The following BMAL2 variants were observed in gnomAD, a reference collection of about 807,000 sequenced individuals.
The protein encoded by BMAL2 is basic helix-loop-helix ARNT like 2, also known as basic helix-loop-helix ARNT-like protein 2.
the BMAL2 span, among the ~76,000 whole-genome samples, chr12:27,416,370 G>A: frequency 1.3e-5 from 2 of 151,874 alleles, no homozygotes; most frequent in Non-Finnish European, 2.9e-5. Flanking sequence ...TTCCAATTTA[G>A]TAGATTAAAT....
At chr12:27,408,612 C>A in the BMAL2 span, among the ~76,000 whole-genome samples, 2 of 152,158 alleles carry the variant, frequency 1.3e-5, no homozygotes, top group African/African-American at 4.8e-5. Context: ...TAAGAGCTAT[C>A]TATGACAAAC....
the BMAL2 span, among the ~76,000 whole-genome samples, chr12:27,358,798 TCTTAA>T: frequency 1.3e-5 from 2 of 152,114 alleles, no homozygotes; most frequent in South Asian, 2.1e-4. Flanking sequence ...AGGTACTAAA[TCTTAA>T]CTTTTTAAGA....
chr12:27,343,305 G>C, the BMAL2 span, among the ~76,000 whole-genome samples: 1 of 152,118 alleles, frequency 6.6e-6, no homozygotes, highest in Non-Finnish European at 1.5e-5. Flanking sequence ...CTTTTTTCTA[G>C]AATAATCGCC....
the BMAL2 span, among the ~76,000 whole-genome samples, chr12:27,371,943 A>G: frequency 6.6e-6 from 1 of 152,230 alleles, no homozygotes; most frequent in African/African-American, 2.4e-5. Context: ...TTCTGGCTCT[A>G]TGAATTTGCT....
chr12:27,373,954 TACTA>T, the BMAL2 span, among the ~76,000 whole-genome samples: 2 of 152,310 alleles, frequency 1.3e-5, no homozygotes, highest in South Asian at 2.1e-4. Context: ...AGACCAAATT[TACTA>T]ACTATCTAGA....
the BMAL2 span, among the ~76,000 whole-genome samples, chr12:27,382,438 G>A: frequency 6.6e-6 from 1 of 152,192 alleles, no homozygotes. Flanking sequence ...GTCAGAGTCT[G>A]GTGCGATGAA....
At chr12:27,411,607 C>G in the BMAL2 span, among the ~76,000 whole-genome samples, 1 of 152,114 alleles carries the variant, frequency 6.6e-6, no homozygotes, top group South Asian at 2.1e-4. Flanking sequence ...TATCGACTGC[C>G]TTTTCATGTG....
At chr12:27,402,100 T>C in the BMAL2 span, among the ~76,000 whole-genome samples, 16 of 152,308 alleles carry the variant, frequency 1.1e-4, no homozygotes, top group Admixed American at 3.9e-4. Context: ...AGAACAGAAA[T>C]CCAGCCCAGG....
the BMAL2 span, among the ~76,000 whole-genome samples, chr12:27,409,564 C>A: frequency 6.6e-6 from 1 of 152,172 alleles, no homozygotes; most frequent in African/African-American, 2.4e-5. Flanking sequence ...GAAACTGGAT[C>A]CCTTCCTTAC....
chr12:27,393,513 GAA>G, the BMAL2 span, among the ~76,000 whole-genome samples: 61 of 152,322 alleles, frequency 4.0e-4, no homozygotes, highest in African/African-American at 1.5e-3. Flanking sequence ...GAGAGTGTGA[GAA>G]ATGGTAAGTA....
the BMAL2 span, among the ~76,000 whole-genome samples, chr12:27,364,357 G>A: frequency 6.6e-6 from 1 of 151,968 alleles, no homozygotes; most frequent in Non-Finnish European, 1.5e-5. Flanking sequence ...TTTTGTATTT[G>A]GTGTAACACA....
chr12:27,376,224 C>T, the BMAL2 span: 1 of 841,330 alleles, frequency 1.2e-6, no homozygotes, highest in Non-Finnish European at 1.9e-6. Context: ...GGAGCATTTA[C>T]AGCTAAGGAT....
the BMAL2 span, chr12:27,423,364 C>G: frequency 8.4e-6 from 1 of 119,562 alleles, no homozygotes; most frequent in African/African-American, 3.2e-5. Context: ...GAGTCTCGCT[C>G]TATCGCCCAG....
At chr12:27,414,432 G>A in the BMAL2 span, among the ~76,000 whole-genome samples, 1 of 152,178 alleles carries the variant, frequency 6.6e-6, no homozygotes, top group Non-Finnish European at 1.5e-5. Context: ...AAATTTAAGA[G>A]CATGGAAGTC....
chr12:27,356,921 C>T, the BMAL2 span, among the ~76,000 whole-genome samples: 20 of 151,450 alleles, frequency 1.3e-4, no homozygotes, highest in South Asian at 4.2e-4. Flanking sequence ...CCTTTCCCCT[C>T]GAGTCCCCAA....
At chr12:27,382,660 A>C in the BMAL2 span, among the ~76,000 whole-genome samples, 3 of 152,246 alleles carry the variant, frequency 2.0e-5, no homozygotes, top group African/African-American at 7.2e-5. Flanking sequence ...CTGGATCTGC[A>C]TTCCAGGGTA....
At chr12:27,386,930 G>T in the BMAL2 span, among the ~76,000 whole-genome samples, 2 of 152,064 alleles carry the variant, frequency 1.3e-5, no homozygotes, top group African/African-American at 4.8e-5. Context: ...CTGTATTTAG[G>T]CTCATATACA....
the BMAL2 span, chr12:27,376,503 C>T: frequency 1.2e-6 from 1 of 816,566 alleles, no homozygotes; most frequent in African/African-American, 1.7e-5. Context: ...AGGCTTTTCT[C>T]TCTTGTTATG....
At chr12:27,420,404 G>A in the BMAL2 span, 1 of 1,613,944 alleles carries the variant, frequency 6.2e-7, no homozygotes, top group African/African-American at 1.3e-5. Context: ...AGGTGATGGT[G>A]CACAGTTGGA....
Sources: allele counts gnomAD v4.1 joint callset (sites outside exome capture counted in the v4.1 genomes callset), GRCh38; gene constraint gnomAD v4.1.1; transcripts MANE v1.5; gene names NCBI Gene and HGNC (gene_info 2026-07-23, HGNC 2026-07-21).